The following TRAK2 variants were observed in gnomAD, a reference collection of about 807,000 sequenced individuals.
The protein encoded by TRAK2 is trafficking kinesin-binding protein 2.
Under a neutral mutation model 104.6 loss-of-function variants are expected in TRAK2, and 81 were observed. That is an observed-to-expected ratio of 0.77 (90% CI 0.65 to 0.93). The LOEUF is 0.93. TRAK2 is among the 40% of genes least tolerant of loss of function. The probability of loss-of-function intolerance (pLI) is 0.00; values close to 1 mark genes in which losing one functional copy is unlikely to be tolerated. For missense variants in TRAK2, 1,002 were observed against 1,089.0 expected (o/e 0.92, Z 1.12); for synonymous variants, 406 against 394.4 (o/e 1.03, Z -0.35).
At chr2:201,415,210 A>G (rs12473209) in intron 2 of TRAK2, among the ~76,000 whole-genome samples, 10,031 of 152,150 alleles carry the variant, frequency 0.066, 451 homozygotes, top group Admixed American at 0.094. Context: ...CAGATGAAAA[A>G]CAAGCCTCAA....
chr2:201,440,422 C>T (rs7603584), intron 1 of TRAK2, among the ~76,000 whole-genome samples: 86,928 of 151,908 alleles, frequency 0.57, 25,530 homozygotes, highest in Non-Finnish European at 0.65. Flanking sequence ...CCTTGGCTGA[C>T]TTCCCAAATA....
intron 4 of TRAK2, among the ~76,000 whole-genome samples, chr2:201,400,777 G>C (rs1311483676): frequency 6.6e-6 from 1 of 151,872 alleles, no homozygotes; most frequent in Non-Finnish European, 1.5e-5. Flanking sequence ...TGCTTTTCTA[G>C]GAAGGGGAGG....
intron 1 of TRAK2, among the ~76,000 whole-genome samples, chr2:201,423,892 A>G (rs1204112153): frequency 2.0e-5 from 3 of 152,164 alleles, no homozygotes; most frequent in Non-Finnish European, 4.4e-5. Flanking sequence ...ATACATAACT[A>G]TTTTCTTGAA....
chr2:201,390,054 T>C (rs1951431698), intron 10 of TRAK2, among the ~76,000 whole-genome samples, 174 bp from the exon 11 acceptor site: 1 of 152,172 alleles, frequency 6.6e-6, no homozygotes, highest in Non-Finnish European at 1.5e-5. Flanking sequence ...CAACTACCTT[T>C]TCATAATCTT....
intron 1 of TRAK2, among the ~76,000 whole-genome samples, chr2:201,434,282 T>C (rs533617493): frequency 4.9e-4 from 75 of 152,272 alleles, no homozygotes; most frequent in African/African-American, 1.8e-3. Context: ...CGTCCAATGA[T>C]ATATCTAAAT....
At chr2:201,384,043 T>C in intron 15 of TRAK2, 68 bp downstream of exon 15, 2 of 1,017,804 alleles carry the variant, frequency 2.0e-6, no homozygotes, top group Non-Finnish European at 3.0e-6. Flanking sequence ...AAGGTAATTT[T>C]AAAAAGAAAT....
At chr2:201,449,480 CTTTT>C (rs3083385) in intron 1 of TRAK2, among the ~76,000 whole-genome samples, 6 of 98,044 alleles carry the variant, frequency 6.1e-5, no homozygotes, top group Non-Finnish European at 4.1e-5. Flanking sequence ...AATGTTGGTT[CTTTT>C]TTTTTTTTTT....
intron 2 of TRAK2, chr2:201,413,104 C>G: frequency 9.8e-7 from 1 of 1,024,084 alleles, no homozygotes. Flanking sequence ...ATTTGTCAAT[C>G]ATTTTTTATC....
At chr2:201,415,778 A>G (rs12473387) in intron 2 of TRAK2, among the ~76,000 whole-genome samples, 103,233 of 151,984 alleles carry the variant, frequency 0.68, 35,311 homozygotes, top group South Asian at 0.88. Flanking sequence ...GAAGAGGCAG[A>G]AACAGAAAAA....
At chr2:201,386,580 G>T (rs894808233) in intron 13 of TRAK2, 96 bp from the exon 14 acceptor site, 1 of 1,437,262 alleles carries the variant, frequency 7.0e-7, no homozygotes, top group Admixed American at 2.0e-5. Context: ...TAACAATAAT[G>T]ACAGCAATAA....
Position 201,412,907 on chromosome 2 carries a change from G to C in TRAK2, c.92-5310C>G. ...ATGTCTGGAGATATAGGGAAAGGGA[G>C]ATTTTCCCAGTTACCAAGAACACTG... On this transcript the variant is annotated intron_variant, in intron 2 of 15. Coordinates refer to ENST00000332624, the MANE Select transcript of TRAK2 (RefSeq NM_015049.3). 4 of 788,514 alleles carry C rather than the reference G, an allele frequency of 5.1e-6. No individual in the cohort carries two copies. In the South Asian group the frequency reaches 5.5e-5, roughly 11 times the overall value. The allele number at this position is 788,514 out of a possible 1,614,324, so 48.8% of individuals were successfully genotyped here. A position where few individuals can be genotyped will look rare whatever the true frequency, so the allele number is the denominator to read the frequency against.
In TRAK2 at chr2:201,425,647, C is replaced by T. The variant is rs371556011; in HGVS notation, c.-199-4941G>A. ...AACTCCTGACCTCAGGTGATCCACC[C>T]ACCTCGACCTCCCAAAGTGCTGGGA... is the stretch of plus-strand genomic sequence containing the variant. On this transcript the variant is annotated intron_variant, in intron 1 of 15. Coordinates refer to ENST00000332624, the MANE Select transcript of TRAK2 (RefSeq NM_015049.3). Among the ~76,000 whole-genome samples, 222 of 152,154 alleles carry T rather than the reference C, an allele frequency of 1.5e-3. 1 individual carries two copies. The highest frequency in any genetic ancestry group is 5.1e-3 in the African/African-American group (210 of 41,522).
At chr2:201,384,267 A>C (rs991724144) in intron 14 of TRAK2, 51 bp from the exon 15 acceptor site, 4 of 1,312,600 alleles carry the variant, frequency 3.0e-6, no homozygotes, top group Admixed American at 3.6e-5. Context: ...CTAGATTAAT[A>C]ATGTAAAAAG....
chr2:201,430,416 T>C (rs1334389355), intron 1 of TRAK2, among the ~76,000 whole-genome samples: 2 of 152,276 alleles, frequency 1.3e-5, no homozygotes, highest in Non-Finnish European at 2.9e-5. Context: ...AGCTATGCCC[T>C]GTCCCCAGAG....
intron 1 of TRAK2, among the ~76,000 whole-genome samples, chr2:201,435,561 T>C (rs1487473951): frequency 6.6e-6 from 1 of 152,238 alleles, no homozygotes; most frequent in Non-Finnish European, 1.5e-5. Context: ...CTGAGTTTAG[T>C]ATGCATTATT....
At chr2:201,423,037 C>CCA (rs142826543) in intron 1 of TRAK2, among the ~76,000 whole-genome samples, 25,004 of 133,966 alleles carry the variant, frequency 0.19, 2,396 homozygotes, top group South Asian at 0.33. Context: ...AACACCACCA[C>CCA]CACACACACA....
chr2:201,430,443 C>T (rs1328322621), intron 1 of TRAK2, among the ~76,000 whole-genome samples: 1 of 152,252 alleles, frequency 6.6e-6, no homozygotes, highest in Non-Finnish European at 1.5e-5. Flanking sequence ...TCTACAGAGG[C>T]AGGCAGGCCT....
chr2:201,430,550 C>T (rs1466518837), intron 1 of TRAK2, among the ~76,000 whole-genome samples: 1 of 152,344 alleles, frequency 6.6e-6, no homozygotes, highest in East Asian at 1.9e-4. Context: ...CCCCCAGGCT[C>T]GCTGCCACCT....
chr2:201,439,381 T>C (rs1187458202), intron 1 of TRAK2, among the ~76,000 whole-genome samples: 1 of 152,122 alleles, frequency 6.6e-6, no homozygotes, highest in East Asian at 1.9e-4. Flanking sequence ...CCACAGAATC[T>C]TTAATACTTT....
Sources: allele counts gnomAD v4.1 joint callset (sites outside exome capture counted in the v4.1 genomes callset), GRCh38; gene constraint gnomAD v4.1.1; transcripts MANE v1.5; gene names NCBI Gene and HGNC (gene_info 2026-07-23, HGNC 2026-07-21).